Variants in RIPK3 observed in about 807,000 individuals in gnomAD.
RIPK3 encodes the protein receptor-interacting serine/threonine-protein kinase 3.
In RIPK3, 51 loss-of-function variants were observed where a neutral mutation model predicts 51.6. The observed-to-expected ratio is 0.99, with a 90% CI of 0.79 to 1.25. The LOEUF is 1.25. Ranked by LOEUF, RIPK3 falls within the 50% of genes most tolerant of loss-of-function variation. RIPK3 has a pLI of 0.00. For synonymous variants in RIPK3, 246 were observed against 257.7 expected (o/e 0.95, Z 0.44); for missense variants, 654 against 650.4 (o/e 1.01, Z -0.06).
intron 9 of RIPK3, 199 bp from the exon 10 acceptor site, chr14:24,336,594 T>C: frequency 3.8e-6 from 3 of 798,184 alleles, no homozygotes; most frequent in East Asian, 2.7e-5. Context: ...GACCCTGATC[T>C]TTTTTGCTGG....
At chr14:24,336,700 T>C (rs546934478) in intron 9 of RIPK3, 185 bp downstream of exon 9, 4 of 706,336 alleles carry the variant, frequency 5.7e-6, no homozygotes, top group Non-Finnish European at 9.8e-6. Context: ...CCAAGCTTTG[T>C]TGTGTGACCT....
intron 3 of RIPK3, 56 bp downstream of exon 3, chr14:24,338,959 G>A: frequency 7.0e-7 from 1 of 1,431,996 alleles, no homozygotes. Context: ...GGCGGGCCTG[G>A]CTGGAGCAGC....
intron 3 of RIPK3, 98 bp downstream of exon 3, chr14:24,338,917 T>A: frequency 1.0e-6 from 1 of 1,001,562 alleles, no homozygotes; most frequent in Non-Finnish European, 1.5e-6. Context: ...CTACGCCTAT[T>A]CAATAGACAG....
chr14:24,337,448 G>A lies in RIPK3; in HGVS notation c.913C>T (p.Leu305=). The part of the protein sequence containing the change: ...NAAVSTVKDF[L]SQLRSSNRRF... ...CTATTGCTGCTCCTGAGCTGAGACA[G>A]GAAATCCTTTACCTGCAGGGATGGG... Residue 305 remains leucine, a synonymous_variant, in exon 8 of 10, where the codon CTG becomes TTG. Transcript: ENST00000216274. 1 of 1,613,144 alleles carries A rather than the reference G, an allele frequency of 6.2e-7. No homozygotes were observed. The highest frequency in any genetic ancestry group is 1.3e-5 in the African/African-American group (1 of 74,990).
At chr14:24,338,770 A>G (rs1020842509) in intron 3 of RIPK3, 1 of 779,220 alleles carries the variant, frequency 1.3e-6, no homozygotes, top group African/African-American at 1.8e-5. Flanking sequence ...TGGGTCAGCC[A>G]TGACTCTTTG....
chr14:24,338,674 T>A, intron 3 of RIPK3, 107 bp from the exon 4 acceptor site: 1 of 1,452,270 alleles, frequency 6.9e-7, no homozygotes, highest in Non-Finnish European at 9.3e-7. Context: ...GTAAAGGGAG[T>A]GTGGAGGTCA....
At position 24,337,561 on chromosome 14, in the gene RIPK3, G is replaced by T. The variant is rs764327679; in HGVS notation, c.901-101C>A. 5 of 1,598,578 alleles carry T rather than the reference G, an allele frequency of 3.1e-6. No individual in the cohort carries two copies. The South Asian group carries it at 4.4e-5, about 14-fold the overall frequency. Reference sequence around the variant, plus strand: ...CATAATCTGTTGTCTGGGAACTCAGGGGTGGGCTGGGGACGGTGGGTACAA... The same window carrying T: ...CATAATCTGTTGTCTGGGAACTCAGTGGTGGGCTGGGGACGGTGGGTACAA... On this transcript the variant is annotated intron_variant, in intron 7 of 9. Coordinates refer to ENST00000216274, the MANE Select transcript of RIPK3 (RefSeq NM_006871.4).
intron 9 of RIPK3, 92 bp from the exon 10 acceptor site, chr14:24,336,487 A>G (rs756904704): frequency 5.9e-6 from 9 of 1,530,282 alleles, no homozygotes; most frequent in Non-Finnish European, 7.9e-6. Context: ...TCTACTTGTC[A>G]GTGGCTGTGT....
Position 24,336,338 on chromosome 14 carries a change from TA to T in RIPK3, c.1393del (p.Tyr465ThrfsTer2). On this transcript the variant is annotated frameshift_variant, in exon 10 of 10. Coordinates refer to ENST00000216274, the MANE Select transcript of RIPK3 (RefSeq NM_006871.4). LOFTEE classifies it low-confidence loss of function (END_TRUNC). ...GGCAGTTGTCTGTTGCATAGTCAAG[TA>T]GTTGTTGTCTCCAACTTGCACCCCA... ...CSGVQVGDNN[Y>X]LTMQQTTALP... 2.5e-6 allele frequency: 4 copies of T among 1,613,888 alleles called. No homozygotes were observed. The highest frequency in any genetic ancestry group is 3.4e-6 in the Non-Finnish European group (4 of 1,180,018).
chr14:24,336,894 G>T lies in RIPK3; in HGVS notation c.1327C>A (p.Pro443Thr), dbSNP rs757466026. 4 of 1,613,998 alleles carry T rather than the reference G, an allele frequency of 2.5e-6. No homozygotes were observed. The South Asian group carries it at 4.4e-5, about 18-fold the overall frequency. Residue 443 changes from proline (P) to threonine (T), a missense_variant, in exon 9 of 10, where the codon CCA becomes ACA. Transcript: ENST00000216274. The stretch of plus-strand genomic sequence containing the variant: ...GGTAGAGAATGGGTACCTGTTACTG[G>T]ATTTGGCTCCGGGGTCCTGCAGGAC... ...NWSCRTPEPN[P>T]VTGRPLVNIY...
chr14:24,339,045 G>A lies in RIPK3; in HGVS notation c.441C>T (p.Asn147=), dbSNP rs776110365. 2 of 1,614,062 alleles carry A rather than the reference G, an allele frequency of 1.2e-6. No homozygotes were observed. The highest frequency in any genetic ancestry group is 1.7e-6 in the Non-Finnish European group (2 of 1,179,990). ...CGTGCAGCTCTGGGTCCAGCAGGAC[G>A]TTGGATGGCTTGAGGTCCCGGTGCA... The part of the protein sequence containing the change: ...VLLHRDLKPS[N]VLLDPELHVK... The change falls in exon 3 of 10, where the codon AAC becomes AAT. Residue 147 remains asparagine, a synonymous_variant. Transcript: ENST00000216274. The surrounding 1 kb of genome is among the most constrained non-coding windows in gnomAD (Gnocchi z 4.0).
rs757492722 is a variant in RIPK3, at chr14:24,339,781, C to G, written c.20+26G>C. 6.4e-6 allele frequency: 10 copies of G among 1,571,574 alleles called. No homozygotes were observed. In the Middle Eastern group the frequency reaches 1.5e-3, roughly 241 times the overall value. On this transcript the variant is annotated intron_variant, in intron 1 of 9. Transcript: ENST00000216274. This position sits in a 1 kb window ranked among gnomAD's most constrained non-coding sequence, Gnocchi z 4.0. ...CTCTGGGTGTGAATGTCGGAGGCTG[C>G]GATCGACATGCCACTCCCTACTCAC...
Position 24,339,388 on chromosome 14 carries a change from C to G in RIPK3, c.162-64G>C. The G allele has an allele frequency of 6.2e-7, 1 of 1,610,710 alleles. No individual in the cohort carries two copies. ...TGGGAAAATCCCTCCCTTCGCCATT[C>G]AGGCCCCAGAGCACAGTGGCTCCAC... On this transcript the variant is annotated intron_variant, in intron 2 of 9. Transcript: ENST00000216274. This position sits in a 1 kb window ranked among gnomAD's most constrained non-coding sequence, Gnocchi z 4.0.
chr14:24,339,915 G>C lies in RIPK3; in HGVS notation c.-89C>G, dbSNP rs377744072. On this transcript the variant is annotated 5_prime_UTR_variant, in exon 1 of 10. Transcript: ENST00000216274. This position sits in a 1 kb window ranked among gnomAD's most constrained non-coding sequence, Gnocchi z 4.0. Reference sequence around the variant, plus strand: ...GGGCTTGGTCCTTTCGCAGAGAGGGGAAGGGGTCTGTCTGTGCAGGGGTCA... The same window carrying C: ...GGGCTTGGTCCTTTCGCAGAGAGGGCAAGGGGTCTGTCTGTGCAGGGGTCA... 1.4e-6 allele frequency: 2 copies of C among 1,383,756 alleles called. No individual in the cohort carries two copies. Among genetic ancestry groups the C allele is most frequent in the Non-Finnish European group, 9.9e-7 (1 of 1,011,844 alleles). The allele number at this position is 1,383,756 out of a possible 1,614,324, so 85.7% of individuals were successfully genotyped here. A position where few individuals can be genotyped will look rare whatever the true frequency, so the allele number is the denominator to read the frequency against.
chr14:24,336,660 T>G (rs912633778), intron 9 of RIPK3: 3 of 666,578 alleles, frequency 4.5e-6, no homozygotes, highest in Non-Finnish European at 5.1e-6. Flanking sequence ...GAGCTGGTGT[T>G]GTGGAAAGTT....
At position 24,336,124 on chromosome 14, in the gene RIPK3, G is replaced by A. The variant is rs368654213; in HGVS notation, c.*51C>T. ...AGAAGGAAGTCAGGGGCCTCAAGGG[G>A]TGGCACTCTTCCTTAACTCGTAACT... On this transcript the variant is annotated 3_prime_UTR_variant, in exon 10 of 10. Transcript: ENST00000216274. 2.3e-5 allele frequency: 37 copies of A among 1,575,796 alleles called. No homozygotes were observed. In the African/African-American group the frequency reaches 4.3e-4, roughly 18 times the overall value.
In RIPK3 at chr14:24,339,890, G is replaced by A; in HGVS notation, c.-64C>T. On this transcript the variant is annotated 5_prime_UTR_variant, in exon 1 of 10. Transcript: ENST00000216274. This position sits in a 1 kb window ranked among gnomAD's most constrained non-coding sequence, Gnocchi z 4.0. ...GCCGTAGGAGATGGAGTGACTTCTGGGGCTTGGTCCTTTCGCAGAGAGGGG... is the reference window on the plus strand; with the variant it reads ...GCCGTAGGAGATGGAGTGACTTCTGAGGCTTGGTCCTTTCGCAGAGAGGGG... 2.0e-6 allele frequency: 3 copies of A among 1,513,880 alleles called. No homozygotes were observed. Among genetic ancestry groups the A allele is most frequent in the Non-Finnish European group, 2.7e-6 (3 of 1,128,272 alleles). The allele number at this position is 1,513,880 out of a possible 1,614,324, so 93.8% of individuals were successfully genotyped here.
chr14:24,337,743 A>T lies in RIPK3; in HGVS notation c.852T>A (p.Asp284Glu). The T allele has an allele frequency of 1.2e-6, 2 of 1,613,926 alleles. No individual in the cohort carries two copies. Among genetic ancestry groups the T allele is most frequent in the Non-Finnish European group, 1.7e-6 (2 of 1,179,882 alleles). The change falls in exon 7 of 10, where the codon GAT becomes GAA. Residue 284 changes from aspartate to glutamate, a missense_variant. Transcript: ENST00000216274. The stretch of plus-strand genomic sequence containing the variant: ...TGTTCTCCACCATCTGGAAGACTTC[A>T]TCAGTTTTTGGTAGGCATTCTAGAG... ...PSFQECLPKTDEVFQMVENNM... is the reference protein window; with the variant it reads ...PSFQECLPKTEEVFQMVENNM...
Position 24,339,780 on chromosome 14 carries a change from GCGATCGACATGCCACTCC to G in RIPK3, c.20+9_20+26del, listed in dbSNP as rs1245824160. The stretch of plus-strand genomic sequence containing the variant: ...TCTCTGGGTGTGAATGTCGGAGGCT[GCGATCGACATGCCACTCC>G]CTACTCACCATAACTTGACGCACGA... On this transcript the variant is annotated intron_variant, in intron 1 of 9. Transcript: ENST00000216274. This position sits in a 1 kb window ranked among gnomAD's most constrained non-coding sequence, Gnocchi z 4.0. 1 of 1,572,284 alleles carries G rather than the reference GCGATCGACATGCCACTCC, an allele frequency of 6.4e-7. No homozygotes were observed. The highest frequency in any genetic ancestry group is 8.6e-7 in the Non-Finnish European group (1 of 1,159,686).
Sources: gnomAD v4.1 joint callset for allele counts on GRCh38, gnomAD v4.1.1 for gene constraint, Gnocchi (gnomAD v3.1) non-coding constraint, MANE v1.5 for transcripts, NCBI Gene and HGNC (gene_info 2026-07-23, HGNC 2026-07-21) for gene names.